The following CCDC144A variants were observed in gnomAD, a reference collection of about 807,000 sequenced individuals.
The protein encoded by CCDC144A is coiled-coil domain-containing protein 144A.
CCDC144A carries 41 observed loss-of-function variants against 143.8 expected under a neutral mutation model. The ratio of observed to expected loss-of-function variants is 0.29; its 90% CI spans 0.22 to 0.37. The LOEUF (loss-of-function observed/expected upper bound fraction) is 0.37. Ranked by LOEUF, CCDC144A falls within the 10% of genes least tolerant of loss-of-function variation. The pLI is 1.00. For synonymous variants in CCDC144A, 242 were observed against 517.9 expected (o/e 0.47, Z 7.23); for missense variants, 637 against 1,488.8 (o/e 0.43, Z 9.41).
intron 2 of CCDC144A, among the ~76,000 whole-genome samples, chr17:16,703,672 A>C (rs997542002): frequency 9.9e-5 from 15 of 151,760 alleles, no homozygotes; most frequent in East Asian, 1.9e-4. Flanking sequence ...GGCGTGGTGG[A>C]GGGCACCGGT....
intron 15 of CCDC144A, among the ~76,000 whole-genome samples, chr17:16,767,504 A>G (rs947883512): frequency 1.3e-4 from 20 of 151,368 alleles, no homozygotes; most frequent in African/African-American, 4.9e-4. Flanking sequence ...GATTTACAAA[A>G]AAAGGTAGGG....
At chr17:16,771,882 A>C (rs1915834181) in intron 15 of CCDC144A, 95 bp from the exon 16 acceptor site, 2 of 1,006,008 alleles carry the variant, frequency 2.0e-6, no homozygotes. Context: ...CTAGTCTGTA[A>C]AAGTATTATT....
chr17:16,754,577 C>T (rs1472203402), intron 12 of CCDC144A, among the ~76,000 whole-genome samples: 3 of 152,092 alleles, frequency 2.0e-5, no homozygotes, highest in Admixed American at 6.5e-5. Flanking sequence ...AAGTTTTTGT[C>T]GTTACTGATT....
chr17:16,750,163 G>A (rs577613734), intron 12 of CCDC144A, among the ~76,000 whole-genome samples: 58 of 152,176 alleles, frequency 3.8e-4, no homozygotes, highest in African/African-American at 1.3e-3. Flanking sequence ...TTGTACTCTC[G>A]ATTGTGTAGT....
chr17:16,679,034 G>A, the CCDC144A span, among the ~76,000 whole-genome samples: 2 of 151,838 alleles, frequency 1.3e-5, no homozygotes, highest in African/African-American at 2.4e-5. Flanking sequence ...GATTACAGGC[G>A]TGAGCCACTG....
At chr17:16,746,285 T>TTTTGCA in intron 12 of CCDC144A, 2 of 1,240,936 alleles carry the variant, frequency 1.6e-6, no homozygotes, top group Non-Finnish European at 1.1e-6. Context: ...TTTTTTTTTT[T>TTTTGCA]TGCATCTTTC....
At chr17:16,760,326 A>C (rs955367704) in intron 12 of CCDC144A, among the ~76,000 whole-genome samples, 1 of 149,322 alleles carries the variant, frequency 6.7e-6, no homozygotes, top group Non-Finnish European at 1.5e-5. Flanking sequence ...ATAAAAAACA[A>C]TCATAATTAT....
intron 4 of CCDC144A, 60 bp from the exon 5 acceptor site, chr17:16,708,736 A>G (rs1912196742): frequency 2.5e-6 from 4 of 1,609,382 alleles, no homozygotes; most frequent in Admixed American, 3.3e-5. Context: ...ATGTAGCCCA[A>G]CAGAGAAGAC....
the CCDC144A span, among the ~76,000 whole-genome samples, chr17:16,667,338 CGGCTGAGGAGCTGAGG>C: frequency 8.2e-6 from 1 of 121,816 alleles, no homozygotes; most frequent in African/African-American, 3.3e-5. Flanking sequence ...GAGGCTGAGG[CGGCTGAGGAGCTGAGG>C]GGCTGAGGCG....
In CCDC144A at chr17:16,742,851, C is replaced by T. The variant is rs538785781; in HGVS notation, c.3372+7208C>T. Among the ~76,000 whole-genome samples the T allele has an allele frequency of 2.0e-5, 3 of 152,040 alleles. No individual in the cohort carries two copies. The South Asian group carries it at 6.2e-4, about 32-fold the overall frequency. On this transcript the variant is annotated intron_variant, in intron 12 of 16. Coordinates refer to ENST00000399273, the MANE Select transcript of CCDC144A (RefSeq NM_001382000.1). The stretch of plus-strand genomic sequence containing the variant: ...ACTTTTCCATACATTTGTGGACATT[C>T]GTATGTCTTCTTTTTAGAAATGTCT...
chr17:16,722,315 T>C (rs558637878), intron 8 of CCDC144A, among the ~76,000 whole-genome samples: 2,140 of 152,294 alleles, frequency 0.014, 45 homozygotes, highest in African/African-American at 0.049. Flanking sequence ...TAATGTATCA[T>C]TGGATTTGAT....
At chr17:16,747,022 AG>A (rs1206095536) in intron 12 of CCDC144A, among the ~76,000 whole-genome samples, 1 of 151,126 alleles carries the variant, frequency 6.6e-6, no homozygotes, top group Non-Finnish European at 1.5e-5. Flanking sequence ...GTTTTCTTGT[AG>A]GATTTTTATA....
rs1047119239 is a variant in CCDC144A, at chr17:16,690,682, T to A, written c.282T>A (p.Pro94=). The A allele has an allele frequency of 6.2e-7, 1 of 1,613,710 alleles. No homozygotes were observed. The highest frequency in any genetic ancestry group is 2.2e-5 in the East Asian group (1 of 44,874). Residue 94 remains proline, a synonymous_variant, in exon 1 of 17, where the codon CCT becomes CCA. Transcript: ENST00000399273. ...GAGCTGCCCGGTCGGGCGACGTCCC[T>A]GGGGTGGAGCACATCTTAGCTCCTG... The part of the protein sequence containing the change: ...LHRAARSGDV[P]GVEHILAPGD...
At position 16,708,796 on chromosome 17, in the gene CCDC144A, A is replaced by G. The variant is rs1912202040; in HGVS notation, c.739A>G (p.Lys247Glu). The G allele has an allele frequency of 5.6e-6, 9 of 1,611,774 alleles. No individual in the cohort carries two copies. The highest frequency in any genetic ancestry group is 7.6e-6 in the Non-Finnish European group (9 of 1,179,714). Residue 247 changes from lysine (K) to glutamate (E), a missense_variant and splice_region_variant, in exon 5 of 17, where the codon AAA (lysine) becomes GAA (glutamate). Transcript: ENST00000399273. ...TAATCTTCCACTTTTGCATCTGCAG[A>G]AAACGTCTCAAGAACCAGAAATGGC... ...LKGCENKQPQ[K>E]TSQEPEMAKD...
chr17:16,777,667 A>G lies in CCDC144A; in HGVS notation c.*4034A>G, dbSNP rs1256818302. The G allele has an allele frequency of 5.1e-5, 7 of 137,910 alleles. No homozygotes were observed. The East Asian group carries it at 1.1e-3, about 21-fold the overall frequency. The allele number at this position is 137,910 out of a possible 1,614,324, so 8.5% of individuals were successfully genotyped here. A position where few individuals can be genotyped will look rare whatever the true frequency, so the allele number is the denominator to read the frequency against. On this transcript the variant is annotated 3_prime_UTR_variant, in exon 17 of 17. Transcript: ENST00000399273. ...ATTTAAAAATTCTTTGAACTGAACG[A>G]TAATAGTGACACAACCTATCAAAAA... is the stretch of plus-strand genomic sequence containing the variant.
intron 11 of CCDC144A, among the ~76,000 whole-genome samples, chr17:16,733,382 A>T (rs1290125260): frequency 1.4e-5 from 2 of 148,076 alleles, no homozygotes; most frequent in African/African-American, 5.0e-5. Flanking sequence ...GGGAACCTGT[A>T]GTCCCAGCTA....
At chr17:16,684,948 C>T (rs576191318), upstream of CCDC144A, among the ~76,000 whole-genome samples, 39 of 151,242 alleles carry the variant, frequency 2.6e-4, no homozygotes, top group African/African-American at 7.4e-4. Context: ...GGCGACAGAG[C>T]GAGACCCTGT....
chr17:16,759,832 A>G (rs1360826385), intron 12 of CCDC144A, among the ~76,000 whole-genome samples: 1 of 152,262 alleles, frequency 6.6e-6, no homozygotes, highest in Non-Finnish European at 1.5e-5. Context: ...GGTATATAAC[A>G]AAATGCAGTG....
chr17:16,704,353 G>A (rs763571233), intron 2 of CCDC144A, among the ~76,000 whole-genome samples: 336 of 152,218 alleles, frequency 2.2e-3, no homozygotes, highest in Non-Finnish European at 3.1e-3. Context: ...TACTCAGGAG[G>A]CTGAGGCAGG....
Sources: allele counts gnomAD v4.1 joint callset (sites outside exome capture counted in the v4.1 genomes callset), GRCh38; gene constraint gnomAD v4.1.1; transcripts MANE v1.5; gene names NCBI Gene and HGNC (gene_info 2026-07-23, HGNC 2026-07-21).